Variants in ATP10D observed in about 807,000 individuals in gnomAD.
The protein encoded by ATP10D is phospholipid-transporting ATPase VD.
Under a neutral mutation model 144.8 loss-of-function variants are expected in ATP10D, and 89 were observed. That is an observed-to-expected ratio of 0.61 (90% CI 0.52 to 0.73). ATP10D has a LOEUF of 0.73. Ranked by LOEUF, ATP10D falls within the 30% of genes least tolerant of loss-of-function variation. ATP10D has a pLI of 0.00. For synonymous variants in ATP10D, 571 were observed against 615.1 expected (o/e 0.93, Z 1.06); for missense variants, 1,603 against 1,714.8 (o/e 0.93, Z 1.15).
intron 9 of ATP10D, among the ~76,000 whole-genome samples, chr4:47,539,897 A>G (rs533665069): frequency 2.0e-5 from 3 of 152,272 alleles, no homozygotes; most frequent in South Asian, 2.1e-4. Context: ...CCAAGTGAGT[A>G]TTTTTCGTTT....
In ATP10D at chr4:47,591,300, G is replaced by T; in HGVS notation, c.4200G>T (p.Leu1400=). The T allele has an allele frequency of 6.2e-7, 1 of 1,613,456 alleles. No individual in the cohort carries two copies. The highest frequency in any genetic ancestry group is 2.2e-5 in the East Asian group (1 of 44,882). The part of the protein sequence containing the change: ...SCAIEQGNLS[L]CETALDQGYS... ...CTATTGAGCAAGGAAACTTATCTCT[G>T]TGTGAAACTGCTTTAGATCAAGGCT... Residue 1400 remains leucine, a synonymous_variant, in exon 23 of 23, where the codon CTG becomes CTT. Coordinates refer to ENST00000273859, the MANE Select transcript of ATP10D (RefSeq NM_020453.4).
intron 9 of ATP10D, among the ~76,000 whole-genome samples, chr4:47,544,608 A>G (rs1030136418): frequency 3.3e-5 from 5 of 152,198 alleles, no homozygotes; most frequent in Non-Finnish European, 7.4e-5. Flanking sequence ...GAAATGTTTC[A>G]TTCTGAAAAC....
rs771837211 is a variant in ATP10D at position 47,582,028 on chromosome 4, C to T, written c.3717C>T (p.Ile1239=). 1.4e-5 allele frequency: 22 copies of T among 1,613,950 alleles called. No homozygotes were observed. The highest frequency in any genetic ancestry group is 6.7e-5 in the Admixed American group (4 of 59,994). ...CCCTGAACACAGCCGCTCTGTTCAT[C>T]GTTCTCCTCCATCTGGTCATTGAAA... is the stretch of plus-strand genomic sequence containing the variant. ...GNPLNTAALF[I]VLLHLVIESK... is the part of the protein sequence containing the mutation. Residue 1239 remains isoleucine (I), a synonymous_variant, in exon 21 of 23, where the codon ATC becomes ATT. Transcript: ENST00000273859.
chr4:47,559,146 C>G, intron 13 of ATP10D, 117 bp downstream of exon 13: 1 of 701,734 alleles, frequency 1.4e-6, no homozygotes. Context: ...CCCCTGGACA[C>G]TGGCTCTCTT....
chr4:47,539,653 AT>A (rs1437549210), intron 9 of ATP10D, among the ~76,000 whole-genome samples: 1 of 152,220 alleles, frequency 6.6e-6, no homozygotes, highest in Non-Finnish European at 1.5e-5. Flanking sequence ...CACATTAATA[AT>A]GCTACGCTAA....
chr4:47,518,831 A>G (rs930382441), intron 3 of ATP10D, among the ~76,000 whole-genome samples: 1 of 152,030 alleles, frequency 6.6e-6, no homozygotes, highest in Non-Finnish European at 1.5e-5. Flanking sequence ...CTGGTAGTAA[A>G]CTCTAGTATT....
chr4:47,547,061 T>G, intron 10 of ATP10D, 199 bp downstream of exon 10: 1 of 585,836 alleles, frequency 1.7e-6, no homozygotes, highest in Non-Finnish European at 3.0e-6. Context: ...AAAAAATAAC[T>G]CAATGTTGAG....
intron 1 of ATP10D, among the ~76,000 whole-genome samples, chr4:47,507,457 G>A (rs894204018): frequency 5.3e-5 from 8 of 152,112 alleles, no homozygotes; most frequent in Non-Finnish European, 1.0e-4. Context: ...GAGTCTTTCA[G>A]GCCTGGAGAA....
rs763651667 is a variant in ATP10D at position 47,515,505 on chromosome 4, T to C, written c.320T>C (p.Val107Ala). 2 of 1,613,152 alleles carry C rather than the reference T, an allele frequency of 1.2e-6. No individual in the cohort carries two copies. The highest frequency in any genetic ancestry group is 1.3e-5 in the African/African-American group (1 of 74,886). The change falls in exon 3 of 23, where the codon GTT (valine) becomes GCT (alanine). Residue 107 changes from valine (V) to alanine (A), a missense_variant. Transcript: ENST00000273859. ...GCCAATTTATATTTCCTGTTCCTAG[T>C]TGTCCTGAACTGGGTACCTTTGGTA... ...RAANLYFLFL[V>A]VLNWVPLVEA...
intron 9 of ATP10D, among the ~76,000 whole-genome samples, chr4:47,544,340 T>C (rs1323893123): frequency 6.6e-6 from 1 of 152,180 alleles, no homozygotes; most frequent in Non-Finnish European, 1.5e-5. Context: ...GAGGTCTTTG[T>C]GGAGGAGCTG....
chr4:47,496,983 A>T (rs1364480357), intron 1 of ATP10D, among the ~76,000 whole-genome samples: 7 of 152,054 alleles, frequency 4.6e-5, no homozygotes, highest in Non-Finnish European at 8.8e-5. Context: ...CTGTGATTAC[A>T]GTTGCCCGCT....
intron 3 of ATP10D, among the ~76,000 whole-genome samples, chr4:47,518,243 A>G (rs527490096): frequency 5.2e-4 from 79 of 152,302 alleles, no homozygotes; most frequent in Non-Finnish European, 9.9e-4. Context: ...TTTTTGTAGT[A>G]GGTGGTGTTT....
chr4:47,535,802 T>C, intron 6 of ATP10D, 100 bp from the exon 7 acceptor site: 2 of 1,396,240 alleles, frequency 1.4e-6, no homozygotes. Context: ...ATCATGTAAC[T>C]GTGTTTTATT....
chr4:47,508,713 C>A (rs999720936), intron 1 of ATP10D, among the ~76,000 whole-genome samples: 3 of 152,184 alleles, frequency 2.0e-5, no homozygotes, highest in Non-Finnish European at 4.4e-5. Context: ...TTAAGAAAAA[C>A]CAATTATCAA....
intron 19 of ATP10D, chr4:47,578,236 C>G (rs1720334074): frequency 6.6e-6 from 1 of 152,186 alleles, no homozygotes; most frequent in Non-Finnish European, 1.5e-5. Flanking sequence ...TGGCCTCCAA[C>G]AAAATTATGT....
intron 1 of ATP10D, among the ~76,000 whole-genome samples, chr4:47,491,702 A>C (rs1355095054): frequency 6.6e-6 from 1 of 152,198 alleles, no homozygotes; most frequent in African/African-American, 2.4e-5. Context: ...TTAAATAAAC[A>C]GTCTCCACCC....
At chr4:47,505,894 C>A (rs576860317) in intron 1 of ATP10D, among the ~76,000 whole-genome samples, 4 of 152,014 alleles carry the variant, frequency 2.6e-5, no homozygotes, top group East Asian at 3.9e-4. Flanking sequence ...AAACTGTTGG[C>A]TGGTGATGAC....
chr4:47,534,416 A>G (rs1230194744), intron 5 of ATP10D, among the ~76,000 whole-genome samples: 8 of 152,192 alleles, frequency 5.3e-5, no homozygotes, highest in African/African-American at 1.9e-4. Flanking sequence ...AAAATATTGC[A>G]TACAATTTCA....
At position 47,591,385 on chromosome 4, in the gene ATP10D, C is replaced by G; in HGVS notation, c.*4C>G. On this transcript the variant is annotated 3_prime_UTR_variant, in exon 23 of 23. Transcript: ENST00000273859. Reference sequence around the variant, plus strand: ...CTCCAAAGGTAAAGAAAGCTAGATACCCTCCTTGGAGTTGCAAGTATTCTT... The same window carrying G: ...CTCCAAAGGTAAAGAAAGCTAGATAGCCTCCTTGGAGTTGCAAGTATTCTT... The G allele has an allele frequency of 6.3e-7, 1 of 1,578,102 alleles. No individual in the cohort carries two copies. The highest frequency in any genetic ancestry group is 8.6e-7 in the Non-Finnish European group (1 of 1,161,584).
Sources: allele counts gnomAD v4.1 joint callset (sites outside exome capture counted in the v4.1 genomes callset), GRCh38; gene constraint gnomAD v4.1.1; transcripts MANE v1.5; gene names NCBI Gene and HGNC (gene_info 2026-07-23, HGNC 2026-07-21).